NUP153: variants seen among roughly 807,000 people sequenced by gnomAD.
NUP153 encodes the protein nucleoporin 153, also known as nuclear pore complex protein Nup153.
Under a neutral mutation model 134.6 loss-of-function variants are expected in NUP153, and 27 were observed. The observed-to-expected ratio is 0.20, with a 90% CI of 0.15 to 0.28. The LOEUF is 0.28. Ranked by LOEUF, NUP153 falls within the 10% of genes least tolerant of loss-of-function variation. The pLI is 1.00. For missense variants in NUP153, 1,821 were observed against 1,731.3 expected (o/e 1.05, Z -0.92); for synonymous variants, 640 against 623.5 (o/e 1.03, Z -0.40).
intron 11 of NUP153, among the ~76,000 whole-genome samples, chr6:17,650,432 G>C (rs1474312102): frequency 2.0e-5 from 3 of 152,170 alleles, no homozygotes; most frequent in African/African-American, 7.2e-5. Flanking sequence ...CTACACAGCT[G>C]TAAGGCAGAC....
Position 17,632,842 on chromosome 6 carries a change from T to C in NUP153, c.2467A>G (p.Ser823Gly), listed in dbSNP as rs1260008951. 1 of 1,295,662 alleles carries C rather than the reference T, an allele frequency of 7.7e-7. No individual in the cohort carries two copies. Among genetic ancestry groups the C allele is most frequent in the Middle Eastern group, 2.2e-4 (1 of 4,478 alleles). The allele number at this position is 1,295,662 out of a possible 1,614,324, so 80.3% of individuals were successfully genotyped here. Reference sequence around the variant, plus strand: ...CTGCTACTTGAAGCAGGTACTGAACTTCCTAAAAAAAAAAAAAAAAACGGG... The same window carrying C: ...CTGCTACTTGAAGCAGGTACTGAACCTCCTAAAAAAAAAAAAAAAAACGGG... Reference protein sequence around the residue: ...CVSCMSEKPGSSVPASSSSTV... With the variant: ...CVSCMSEKPGGSVPASSSSTV... The change falls in exon 17 of 22, where the codon AGT becomes GGT. Residue 823 changes from serine (S) to glycine (G), a missense_variant and splice_region_variant. Transcript: ENST00000262077.
rs1561896489 is a variant in NUP153, at chr6:17,675,855, T to C, written c.335-85A>G. ...TGGTTTTTACTTTAAGAAAACACAT[T>C]ACAGTATATAATAGCTTCAATTCAA... On this transcript the variant is annotated intron_variant, in intron 2 of 21. Coordinates refer to ENST00000262077, the MANE Select transcript of NUP153 (RefSeq NM_005124.4). This position sits in a 1 kb window ranked among gnomAD's most constrained non-coding sequence, Gnocchi z 4.4. The C allele has an allele frequency of 3.2e-6, 4 of 1,262,756 alleles. No individual in the cohort carries two copies. The highest frequency in any genetic ancestry group is 1.2e-5 in the South Asian group (1 of 81,592). The allele number at this position is 1,262,756 out of a possible 1,614,324, so 78.2% of individuals were successfully genotyped here.
intron 9 of NUP153, among the ~76,000 whole-genome samples, chr6:17,662,654 A>G (rs1455748739): frequency 6.6e-6 from 1 of 152,222 alleles, no homozygotes; most frequent in East Asian, 1.9e-4. Context: ...TTCATTACGA[A>G]AGGTAAAATA....
intron 2 of NUP153, among the ~76,000 whole-genome samples, chr6:17,676,365 T>C (rs145995066): frequency 0.019 from 2,949 of 152,298 alleles, 31 homozygotes; most frequent in Middle Eastern, 0.037. Flanking sequence ...AGAGTCTTTA[T>C]TCCTCTCTTC....
chr6:17,686,757 C>T (rs546350082), intron 2 of NUP153, among the ~76,000 whole-genome samples: 1 of 151,410 alleles, frequency 6.6e-6, no homozygotes, highest in Non-Finnish European at 1.5e-5. Flanking sequence ...AAATGCTGCC[C>T]ACAACTTGCT....
chr6:17,689,223 T>TA (rs1769129842), intron 1 of NUP153, among the ~76,000 whole-genome samples: 1 of 151,822 alleles, frequency 6.6e-6, no homozygotes, highest in Non-Finnish European at 1.5e-5. Context: ...CCATCTCTAC[T>TA]AAAAATACAA....
chr6:17,701,846 A>AGGGGGGG (rs1561916995), intron 1 of NUP153, among the ~76,000 whole-genome samples: 9 of 65,664 alleles, frequency 1.4e-4, no homozygotes, highest in Non-Finnish European at 2.9e-4. Context: ...GGGGGGGGGA[A>AGGGGGGG]AAAAGCTAAA....
rs549269253 is a variant in NUP153 at position 17,631,794 on chromosome 6, C to T, written c.2659+856G>A. 2.0e-5 allele frequency among the ~76,000 whole-genome samples: 3 copies of T among 152,122 alleles called. No individual in the cohort carries two copies. The South Asian group carries it at 6.2e-4, about 32-fold the overall frequency. ...ATCCTGGCTAACATGGTGAAACCCCCGTCTCTACTAAAAACACAAAAAATT... is the reference window on the plus strand; with the variant it reads ...ATCCTGGCTAACATGGTGAAACCCCTGTCTCTACTAAAAACACAAAAAATT... On this transcript the variant is annotated intron_variant, in intron 17 of 21. Coordinates refer to ENST00000262077, the MANE Select transcript of NUP153 (RefSeq NM_005124.4).
At chr6:17,682,925 G>A (rs115842483) in intron 2 of NUP153, among the ~76,000 whole-genome samples, 839 of 123,542 alleles carry the variant, frequency 6.8e-3, no homozygotes, top group Middle Eastern at 8.5e-3. Flanking sequence ...CAAAAAAGAA[G>A]AAAAAAAAAA....
At chr6:17,661,384 A>G (rs752057492) in intron 11 of NUP153, among the ~76,000 whole-genome samples, 7 of 152,230 alleles carry the variant, frequency 4.6e-5, no homozygotes, top group Non-Finnish European at 1.0e-4. Flanking sequence ...CAAACAGACA[A>G]AACTATACAG....
intron 2 of NUP153, among the ~76,000 whole-genome samples, chr6:17,679,095 C>T (rs1476968995): frequency 6.6e-6 from 1 of 151,930 alleles, no homozygotes; most frequent in Admixed American, 6.6e-5. Context: ...AACGAAACTA[C>T]AACATAATAA....
At chr6:17,622,870 C>T (rs901488692) in intron 20 of NUP153, among the ~76,000 whole-genome samples, 5 of 152,094 alleles carry the variant, frequency 3.3e-5, no homozygotes, top group Non-Finnish European at 5.9e-5. Flanking sequence ...GTGGCTCACA[C>T]CTGTAATCCC....
chr6:17,619,420 G>A (rs981504235), intron 20 of NUP153: 1 of 152,164 alleles, frequency 6.6e-6, no homozygotes, highest in Admixed American at 6.6e-5. Context: ...AAGCTAAAAG[G>A]AATCTCCAAA....
chr6:17,644,706 G>T (rs1027203720), intron 14 of NUP153, among the ~76,000 whole-genome samples: 1 of 152,304 alleles, frequency 6.6e-6, no homozygotes, highest in Admixed American at 6.5e-5. Flanking sequence ...ACTTTGGGAG[G>T]CCAAGGTGGG....
At chr6:17,668,157 CCTCCGCCTCCCGGGTTCAAGTGATT>C (rs1435074060) in intron 8 of NUP153, among the ~76,000 whole-genome samples, 1 of 148,534 alleles carries the variant, frequency 6.7e-6, no homozygotes, top group Non-Finnish European at 1.5e-5. Context: ...CTCACTGCAC[CCTCCGCCTCCCGGGTTCAAGTGATT>C]CTCCTGCCTC....
At chr6:17,665,522 A>T (rs1299897475) in intron 8 of NUP153, 137 bp from the exon 9 acceptor site, 41 of 652,850 alleles carry the variant, frequency 6.3e-5, no homozygotes, top group Non-Finnish European at 2.1e-5. Context: ...CAAACAAATA[A>T]GAGGAAAAAC....
chr6:17,623,243 A>G (rs1002202096), intron 20 of NUP153, among the ~76,000 whole-genome samples: 5 of 151,824 alleles, frequency 3.3e-5, no homozygotes, highest in East Asian at 1.9e-4. Flanking sequence ...TGGTTAATGT[A>G]TATCAGAAAA....
chr6:17,637,900 G>T, intron 15 of NUP153, 130 bp from the exon 16 acceptor site: 1 of 1,021,836 alleles, frequency 9.8e-7, no homozygotes, highest in South Asian at 1.9e-5. Flanking sequence ...AACTACTTAA[G>T]AATTGTTTTT....
intron 2 of NUP153, among the ~76,000 whole-genome samples, chr6:17,681,046 G>A (rs193171019): frequency 2.0e-4 from 30 of 151,966 alleles, no homozygotes; most frequent in Admixed American, 7.2e-4. Flanking sequence ...AATGGACAAA[G>A]AAACTGTGCT....
Sources: gnomAD v4.1 joint callset for allele counts (sites outside exome capture counted in the v4.1 genomes callset) on GRCh38, gnomAD v4.1.1 for gene constraint, Gnocchi (gnomAD v3.1) non-coding constraint, MANE v1.5 for transcripts, NCBI Gene and HGNC (gene_info 2026-07-23, HGNC 2026-07-21) for gene names.